CMIP: variants seen among roughly 807,000 people sequenced by gnomAD.
CMIP encodes c-Maf inducing protein.
A neutral mutation model predicts 97.3 loss-of-function variants in CMIP; 13 were observed. The observed-to-expected ratio is 0.13, with a 90% CI of 0.09 to 0.21. The LOEUF is 0.21. Ranked by LOEUF, CMIP falls within the 10% of genes least tolerant of loss-of-function variation. The probability of loss-of-function intolerance (pLI) is 1.00; values close to 1 mark genes in which losing one functional copy is unlikely to be tolerated. For synonymous variants in CMIP, 538 were observed against 436.3 expected, an observed-to-expected ratio of 1.23 and a Z score of -2.91; for missense variants, 847 against 1,024.9, an observed-to-expected ratio of 0.83 and a Z score of 2.37.
At chr16:81,640,218 A>G (rs1359352737) in intron 3 of CMIP, among the ~76,000 whole-genome samples, 2 of 149,350 alleles carry the variant, frequency 1.3e-5, no homozygotes, top group Non-Finnish European at 3.0e-5. Context: ...AATGGGCTGG[A>G]GGCGGGCCTT....
At chr16:81,491,180 T>G (rs912871242) in intron 1 of CMIP, among the ~76,000 whole-genome samples, 2 of 152,264 alleles carry the variant, frequency 1.3e-5, no homozygotes, top group East Asian at 3.9e-4. Context: ...AGGAACGGTG[T>G]CACCCATCAC....
intron 1 of CMIP, chr16:81,603,325 G>A (rs559033604): frequency 8.2e-5 from 37 of 449,160 alleles, no homozygotes; most frequent in Admixed American, 3.1e-4. Flanking sequence ...GTCATGATCC[G>A]CCCACCTTGG....
chr16:81,629,261 G>A (rs912090282), intron 3 of CMIP, among the ~76,000 whole-genome samples: 24 of 149,254 alleles, frequency 1.6e-4, no homozygotes, highest in Admixed American at 1.3e-4. Flanking sequence ...CAGCACAGCC[G>A]CTGTCAGACC....
intron 14 of CMIP, 39 bp downstream of exon 14, chr16:81,696,706 C>G: frequency 6.3e-7 from 1 of 1,578,682 alleles, no homozygotes; most frequent in Non-Finnish European, 8.6e-7. Flanking sequence ...TTCCAGGGGT[C>G]CCTGGGCTTG....
chr16:81,678,729 C>T (rs12446838), intron 10 of CMIP, 101 bp downstream of exon 10: 266,021 of 618,068 alleles, frequency 0.43, 61,014 homozygotes, highest in East Asian at 0.69. Context: ...TACGCAGGGC[C>T]GGGCATGGTA....
At position 81,707,094 on chromosome 16, in the gene CMIP, T is replaced by C. The variant is rs377354925; in HGVS notation, c.2268+10T>C. The C allele has an allele frequency of 6.2e-7, 1 of 1,611,806 alleles. No homozygotes were observed. The highest frequency in any genetic ancestry group is 1.7e-5 in the Admixed American group (1 of 60,006). ...CTACGAAGATCTGAAGGTAATTCCC[T>C]CCTTCCTCCCCACTCTCCTCCCCTC... On this transcript the variant is annotated intron_variant, in intron 20 of 20. Coordinates refer to ENST00000537098, the MANE Select transcript of CMIP (RefSeq NM_198390.3).
chr16:81,468,047 C>T (rs1907312287), intron 1 of CMIP, among the ~76,000 whole-genome samples: 1 of 152,098 alleles, frequency 6.6e-6, no homozygotes. Context: ...CCACCATGCC[C>T]GGCCCTTGCT....
Position 81,710,151 on chromosome 16 carries a change from A to C in CMIP, c.*352A>C, listed in dbSNP as rs1284794252. 3.2e-6 allele frequency: 1 copy of C among 313,302 alleles called. No homozygotes were observed. Among genetic ancestry groups the C allele is most frequent in the African/African-American group, 2.1e-5 (1 of 46,888 alleles). 19.4% of individuals were successfully genotyped at this position (313,302 alleles called of 1,614,324 possible). A position where few individuals can be genotyped will look rare whatever the true frequency, so the allele number is the denominator to read the frequency against. ...TTGTGTTTGATGCCGTCGTGTGGGA[A>C]AAGTCAACTCCGATGCCACCATTGC... On this transcript the variant is annotated 3_prime_UTR_variant, in exon 21 of 21. Transcript: ENST00000537098.
chr16:81,610,175 AG>A (rs1296371298), intron 2 of CMIP: 6 of 279,402 alleles, frequency 2.1e-5, no homozygotes, highest in Non-Finnish European at 2.7e-5. Context: ...ACAGGGATGG[AG>A]GGGCAGTGAG....
intron 1 of CMIP, chr16:81,519,111 G>C (rs1348868713): frequency 1.3e-5 from 2 of 152,214 alleles, no homozygotes; most frequent in Non-Finnish European, 2.9e-5. Context: ...GGGATTCCAG[G>C]CATGAGCCAC....
At chr16:81,479,730 C>G (rs962864463) in intron 1 of CMIP, among the ~76,000 whole-genome samples, 8 of 152,176 alleles carry the variant, frequency 5.3e-5, no homozygotes, top group Admixed American at 2.6e-4. Flanking sequence ...CCACCTCTGT[C>G]TAGTTCCAAA....
intron 4 of CMIP, 22 bp from the exon 5 acceptor site, chr16:81,657,753 C>T: frequency 6.3e-7 from 1 of 1,584,268 alleles, no homozygotes; most frequent in East Asian, 2.3e-5. Flanking sequence ...TTTCCTCCTG[C>T]TGTCTCCATT....
intron 1 of CMIP, among the ~76,000 whole-genome samples, chr16:81,534,202 C>T (rs961162269): frequency 1.1e-4 from 16 of 152,216 alleles, no homozygotes; most frequent in African/African-American, 3.9e-4. Context: ...CCACACATAC[C>T]CAATAGCAGT....
Position 81,705,569 on chromosome 16 carries a change from C to G in CMIP, c.2162C>G (p.Thr721Ser). ...CTCCAGGTGCTGAACCTGTGCGAGA[C>G]CCCGGTCACAGACGCTGGCCTGCTG... Reference protein sequence around the residue: ...TMLQVLNLCETPVTDAGLLAL... With the variant: ...TMLQVLNLCESPVTDAGLLAL... Residue 721 changes from threonine (T) to serine (S), a missense_variant, in exon 19 of 21, where the codon ACC (threonine) becomes AGC (serine). Coordinates refer to ENST00000537098, the MANE Select transcript of CMIP (RefSeq NM_198390.3). 1.2e-6 allele frequency: 2 copies of G among 1,608,522 alleles called. No individual in the cohort carries two copies. Among genetic ancestry groups the G allele is most frequent in the Non-Finnish European group, 1.7e-6 (2 of 1,178,352 alleles).
intron 2 of CMIP, chr16:81,619,463 A>C (rs1403501875): frequency 6.6e-6 from 1 of 152,274 alleles, no homozygotes; most frequent in African/African-American, 2.4e-5. Flanking sequence ...AAGCGGTTAC[A>C]TGCTTGAGTG....
chr16:81,624,786 A>T (rs2092038641), intron 3 of CMIP, among the ~76,000 whole-genome samples: 1 of 152,218 alleles, frequency 6.6e-6, no homozygotes, highest in Non-Finnish European at 1.5e-5. Context: ...GTCGATTGAC[A>T]ACCGCTGCTA....
intron 1 of CMIP, among the ~76,000 whole-genome samples, chr16:81,501,548 G>A (rs919848048): frequency 2.6e-5 from 4 of 152,024 alleles, no homozygotes; most frequent in Admixed American, 6.6e-5. Context: ...GAGTGGGGTC[G>A]GGGGCAGGAT....
chr16:81,699,412 A>G (rs1278365689), intron 14 of CMIP, among the ~76,000 whole-genome samples: 1 of 152,254 alleles, frequency 6.6e-6, no homozygotes, highest in African/African-American at 2.4e-5. Context: ...ACTAAAAGGC[A>G]AAAGACAGAA....
intron 1 of CMIP, among the ~76,000 whole-genome samples, chr16:81,605,250 A>G (rs1031628370): frequency 1.3e-5 from 2 of 152,240 alleles, no homozygotes; most frequent in African/African-American, 2.4e-5. Flanking sequence ...GGCACGCTGC[A>G]TAAAGAGAAC....
Sources: gnomAD v4.1 joint callset for allele counts (sites outside exome capture counted in the v4.1 genomes callset) on GRCh38, gnomAD v4.1.1 for gene constraint, MANE v1.5 for transcripts, NCBI Gene and HGNC (gene_info 2026-07-23, HGNC 2026-07-21) for gene names.